The following PGGT1B variants were observed in gnomAD, a reference collection of about 807,000 sequenced individuals.
PGGT1B encodes the protein geranylgeranyl transferase type-1 subunit beta.
In PGGT1B, 30 loss-of-function variants were observed where a neutral mutation model predicts 46.1. That is an observed-to-expected ratio of 0.65 (90% CI 0.49 to 0.88). The LOEUF is 0.88. PGGT1B is among the 40% of genes least tolerant of loss of function. PGGT1B has a pLI of 0.00. For missense variants in PGGT1B, 376 were observed against 455.9 expected, an observed-to-expected ratio of 0.82 and a Z score of 1.60; for synonymous variants, 170 against 160.0, an observed-to-expected ratio of 1.06 and a Z score of -0.47.
At chr5:115,240,272 T>G (rs1422734846) in intron 3 of PGGT1B, among the ~76,000 whole-genome samples, 1 of 152,306 alleles carries the variant, frequency 6.6e-6, no homozygotes, top group East Asian at 1.9e-4. Context: ...CTCCTGTTAT[T>G]TTGAAAATGT....
chr5:115,242,427 A>T (rs974266634), intron 2 of PGGT1B, among the ~76,000 whole-genome samples: 1 of 152,218 alleles, frequency 6.6e-6, no homozygotes, highest in African/African-American at 2.4e-5. Context: ...AGTTGGTCTA[A>T]AAATAGTCTC....
At chr5:115,250,226 T>G (rs1748032291) in intron 2 of PGGT1B, among the ~76,000 whole-genome samples, 1 of 152,198 alleles carries the variant, frequency 6.6e-6, no homozygotes, top group Non-Finnish European at 1.5e-5. Context: ...TATCTCAAAG[T>G]AGGACAAATA....
rs181465406 is a variant in PGGT1B, at chr5:115,213,342, C to T, written c.953-759G>A. Reference sequence around the variant, plus strand: ...CAATGAAATCACATGGCCATTCCTGCCTAGGAGTCTTATGTAGACTTCTGA... The same window carrying T: ...CAATGAAATCACATGGCCATTCCTGTCTAGGAGTCTTATGTAGACTTCTGA... On this transcript the variant is annotated intron_variant, in intron 8 of 8. Transcript: ENST00000419445. 1.9e-3 allele frequency among the ~76,000 whole-genome samples: 286 copies of T among 152,278 alleles called. 1 individual carries two copies. The highest frequency in any genetic ancestry group is 0.01 in the Middle Eastern group (3 of 294).
At chr5:115,236,555 T>G in intron 4 of PGGT1B, 33 bp from the exon 5 acceptor site, 1 of 1,476,548 alleles carries the variant, frequency 6.8e-7, no homozygotes, top group Non-Finnish European at 9.0e-7. Context: ...GATTTTCTAT[T>G]AACACTGGAC....
Position 115,204,164 on chromosome 5 carries a change from G to A in PGGT1B, c.*8238C>T, listed in dbSNP as rs1178097873. Reference sequence around the variant, plus strand: ...TCCTATCTTTTTAAAATATAAATTTGCAAATAATCAACTGTTTCTACCCAA... The same window carrying A: ...TCCTATCTTTTTAAAATATAAATTTACAAATAATCAACTGTTTCTACCCAA... On this transcript the variant is annotated 3_prime_UTR_variant, in exon 9 of 9. Coordinates refer to ENST00000419445, the MANE Select transcript of PGGT1B (RefSeq NM_005023.4). 1 of 152,058 alleles carries A rather than the reference G, an allele frequency of 6.6e-6. No individual in the cohort carries two copies. The highest frequency in any genetic ancestry group is 1.9e-4 in the East Asian group (1 of 5,196). The allele number at this position is 152,058 out of a possible 1,614,324, so 9.4% of individuals were successfully genotyped here. A position where few individuals can be genotyped will look rare whatever the true frequency, so the allele number is the denominator to read the frequency against.
chr5:115,258,909 C>T (rs2127036504), intron 1 of PGGT1B, among the ~76,000 whole-genome samples: 1 of 152,350 alleles, frequency 6.6e-6, no homozygotes, highest in Non-Finnish European at 1.5e-5. Flanking sequence ...CTTCATGCAA[C>T]ACCGCAGCTC....
rs1340688151 is a variant in PGGT1B at position 115,205,256 on chromosome 5, T to C, written c.*7146A>G. 1 of 152,156 alleles carries C rather than the reference T, an allele frequency of 6.6e-6. No homozygotes were observed. Among genetic ancestry groups the C allele is most frequent in the Non-Finnish European group, 1.5e-5 (1 of 68,020 alleles). 9.4% of individuals were successfully genotyped at this position (152,156 alleles called of 1,614,324 possible). On this transcript the variant is annotated 3_prime_UTR_variant, in exon 9 of 9. Coordinates refer to ENST00000419445, the MANE Select transcript of PGGT1B (RefSeq NM_005023.4). The stretch of plus-strand genomic sequence containing the variant: ...CCCACCTATACTTTAAGAAAACTTT[T>C]TGACTCACAAGTAGATGCAAACATA...
At chr5:115,224,767 A>G (rs1242561765) in intron 6 of PGGT1B, among the ~76,000 whole-genome samples, 1 of 151,430 alleles carries the variant, frequency 6.6e-6, no homozygotes, top group Non-Finnish European at 1.5e-5. Flanking sequence ...CTAGCAACTC[A>G]GAAGGTGGAA....
In PGGT1B at chr5:115,217,301, CATA is replaced by C. The variant is rs1233522065; in HGVS notation, c.844-331_844-329del. On this transcript the variant is annotated intron_variant, in intron 7 of 8. Coordinates refer to ENST00000419445, the MANE Select transcript of PGGT1B (RefSeq NM_005023.4). ...TTTAAAAAGTACAATTTTATCTACC[CATA>C]TTTTAACTCTTATGATAAGCTCTTG... Among the ~76,000 whole-genome samples, 64 of 151,840 alleles carry C rather than the reference CATA, an allele frequency of 4.2e-4. 1 individual carries two copies. The highest frequency in any genetic ancestry group is 8.0e-4 in the Non-Finnish European group (54 of 67,814).
intron 2 of PGGT1B, among the ~76,000 whole-genome samples, chr5:115,247,066 T>A (rs575709132): frequency 6.6e-6 from 1 of 152,314 alleles, no homozygotes; most frequent in South Asian, 2.1e-4. Flanking sequence ...TATTTGCACG[T>A]TTGTACATGA....
At chr5:115,244,337 C>T (rs1306160357) in intron 2 of PGGT1B, among the ~76,000 whole-genome samples, 3 of 150,974 alleles carry the variant, frequency 2.0e-5, no homozygotes, top group Non-Finnish European at 4.4e-5. Flanking sequence ...CGGTGGCGGG[C>T]GCCTGTAGTC....
chr5:115,215,605 C>A (rs551656248), intron 8 of PGGT1B, among the ~76,000 whole-genome samples: 1 of 152,274 alleles, frequency 6.6e-6, no homozygotes, highest in Admixed American at 6.5e-5. Flanking sequence ...GCCTAGGAAG[C>A]ATGTTTTATA....
At chr5:115,224,563 C>T (rs1329582659) in intron 6 of PGGT1B, among the ~76,000 whole-genome samples, 2 of 152,038 alleles carry the variant, frequency 1.3e-5, no homozygotes, top group Admixed American at 1.3e-4. Context: ...AGTTATAAAA[C>T]CCTGTATAAA....
chr5:115,212,286 A>G lies in PGGT1B; in HGVS notation c.*116T>C. 5 of 1,513,554 alleles carry G rather than the reference A, an allele frequency of 3.3e-6. No homozygotes were observed. The highest frequency in any genetic ancestry group is 4.4e-6 in the Non-Finnish European group (5 of 1,131,234). The allele number at this position is 1,513,554 out of a possible 1,614,324, so 93.8% of individuals were successfully genotyped here. A position where few individuals can be genotyped will look rare whatever the true frequency, so the allele number is the denominator to read the frequency against. On this transcript the variant is annotated 3_prime_UTR_variant, in exon 9 of 9. Coordinates refer to ENST00000419445, the MANE Select transcript of PGGT1B (RefSeq NM_005023.4). ...CATATCCCAAAGTGAAATCAGCAGG[A>G]GATTTGATTGTAAGACTCTACCTTT...
intron 2 of PGGT1B, among the ~76,000 whole-genome samples, chr5:115,244,682 G>C (rs111599628): frequency 0.013 from 2,033 of 151,668 alleles, 48 homozygotes; most frequent in African/African-American, 0.046. Context: ...ACCTTGCCTC[G>C]CAGGCACAAG....
At chr5:115,212,726 T>C in intron 8 of PGGT1B, 143 bp from the exon 9 acceptor site, 2 of 548,590 alleles carry the variant, frequency 3.6e-6, no homozygotes, top group Non-Finnish European at 3.1e-6. Context: ...AAATATTTGC[T>C]TTCTCAAAGC....
At chr5:115,254,526 T>A (rs72813838) in intron 1 of PGGT1B, among the ~76,000 whole-genome samples, 3 of 151,784 alleles carry the variant, frequency 2.0e-5, no homozygotes, top group African/African-American at 7.3e-5. Context: ...GATTTTGGAG[T>A]CTCTCAGATT....
In PGGT1B at chr5:115,212,495, G is replaced by A; in HGVS notation, c.1041C>T (p.Ser347=). The A allele has an allele frequency of 6.2e-7, 1 of 1,613,336 alleles. No homozygotes were observed. Among genetic ancestry groups the A allele is most frequent in the Middle Eastern group, 1.7e-4 (1 of 6,058 alleles). Residue 347 remains serine (S), a synonymous_variant, in exon 9 of 9, where the codon AGC becomes AGT. Coordinates refer to ENST00000419445, the MANE Select transcript of PGGT1B (RefSeq NM_005023.4). ...CTAGAAGGCGTTCAGAAGTCCGTGT[G>A]CTTACATTCAGAGCAGGATGAACTT... ...ICKVHPALNV[S]TRTSERLLDL...
chr5:115,253,342 T>C (rs1010005898), intron 1 of PGGT1B, 87 bp from the exon 2 acceptor site: 30 of 1,101,500 alleles, frequency 2.7e-5, no homozygotes, highest in Middle Eastern at 5.6e-4. Context: ...AATAAAATCA[T>C]TCTAATTTTC....
Sources: gnomAD v4.1 joint callset for allele counts (sites outside exome capture counted in the v4.1 genomes callset) on GRCh38, gnomAD v4.1.1 for gene constraint, MANE v1.5 for transcripts, NCBI Gene and HGNC (gene_info 2026-07-23, HGNC 2026-07-21) for gene names.